BCAS3: variants seen among roughly 807,000 people sequenced by gnomAD.
BCAS3 encodes the protein BCAS3 microtubule associated cell migration factor.
BCAS3 carries 53 observed loss-of-function variants against 116.1 expected under a neutral mutation model. The observed-to-expected ratio is 0.46, with a 90% CI of 0.37 to 0.57. The LOEUF (loss-of-function observed/expected upper bound fraction) is 0.57, where lower values mean the gene tolerates loss of function less well. Ranked by LOEUF, BCAS3 falls within the 20% of genes least tolerant of loss-of-function variation. BCAS3 has a pLI of 0.00. For synonymous variants in BCAS3, 391 were observed against 408.2 expected (o/e 0.96, Z 0.51); for missense variants, 917 against 1,165.4 (o/e 0.79, Z 3.10).
intron 11 of BCAS3, among the ~76,000 whole-genome samples, chr17:60,909,466 A>G (rs1187484040): frequency 6.6e-6 from 1 of 152,160 alleles, no homozygotes; most frequent in East Asian, 1.9e-4. Flanking sequence ...TTAATTTGAA[A>G]TATTTTAATG....
chr17:60,859,252 G>T (rs2053951740), intron 7 of BCAS3, among the ~76,000 whole-genome samples: 1 of 151,906 alleles, frequency 6.6e-6, no homozygotes, highest in Non-Finnish European at 1.5e-5. Context: ...TCAGTAAATT[G>T]TATGTCACTG....
At chr17:61,322,794 CAGAGAG>C (rs35581770) in intron 22 of BCAS3, among the ~76,000 whole-genome samples, 3,934 of 99,180 alleles carry the variant, frequency 0.04, 49 homozygotes, top group Middle Eastern at 0.068. Flanking sequence ...GAGAGAGAGA[CAGAGAG>C]AGAGAGAGAG....
Position 61,034,610 on chromosome 17 carries a change from A to C in BCAS3, c.1638-56A>C. ...TTTAAAGGAAAAACTGTCATTACCT[A>C]AAGGAGTATCATTTCATCATGATAA... On this transcript the variant is annotated intron_variant, in intron 16 of 23. Coordinates refer to ENST00000407086, the MANE Select transcript of BCAS3 (RefSeq NM_017679.5). This position sits in a 1 kb window ranked among gnomAD's most constrained non-coding sequence, Gnocchi z 5.0. 6.7e-7 allele frequency: 1 copy of C among 1,493,328 alleles called. No homozygotes were observed. The highest frequency in any genetic ancestry group is 1.2e-5 in the South Asian group (1 of 82,174). The allele number at this position is 1,493,328 out of a possible 1,614,324, so 92.5% of individuals were successfully genotyped here. A position where few individuals can be genotyped will look rare whatever the true frequency, so the allele number is the denominator to read the frequency against.
chr17:61,070,113 G>C (rs1212624190), intron 19 of BCAS3: 2 of 1,573,718 alleles, frequency 1.3e-6, no homozygotes, highest in African/African-American at 2.7e-5. Flanking sequence ...AGTTTCCGCT[G>C]ACCACTGAGT....
intron 22 of BCAS3, among the ~76,000 whole-genome samples, chr17:61,092,899 C>CTTTTTTTTTTT (rs959718467): frequency 2.5e-5 from 2 of 79,544 alleles, no homozygotes; most frequent in African/African-American, 5.4e-5. Context: ...TTTGTCCAGT[C>CTTTTTTTTTTT]TTTTTTTTTT....
chr17:60,810,706 G>T lies in BCAS3; in HGVS notation c.476+2630G>T, dbSNP rs991699210. On this transcript the variant is annotated intron_variant, in intron 7 of 23. Coordinates refer to ENST00000407086, the MANE Select transcript of BCAS3 (RefSeq NM_017679.5). ...GGCCATGCCCTAGTCTGTGGAGAGGGACATCCATGGGCTCTGCAAGGTCAC... is the reference window on the plus strand; with the variant it reads ...GGCCATGCCCTAGTCTGTGGAGAGGTACATCCATGGGCTCTGCAAGGTCAC... The T allele has an allele frequency of 4.5e-6, 3 of 665,014 alleles. No individual in the cohort carries two copies. The African/African-American group carries it at 5.3e-5, about 12-fold the overall frequency. The allele number at this position is 665,014 out of a possible 1,614,324, so 41.2% of individuals were successfully genotyped here.
intron 6 of BCAS3, among the ~76,000 whole-genome samples, chr17:60,748,040 C>T (rs1404161025): frequency 2.0e-5 from 3 of 151,930 alleles, no homozygotes; most frequent in Admixed American, 1.3e-4. Context: ...ACAGTGAAAA[C>T]ATAATCATAA....
At chr17:61,066,397 G>C (rs1280916903) in intron 19 of BCAS3, among the ~76,000 whole-genome samples, 1 of 152,192 alleles carries the variant, frequency 6.6e-6, no homozygotes, top group Non-Finnish European at 1.5e-5. Flanking sequence ...TACAAGCTGT[G>C]TGTAGTCTTT....
intron 19 of BCAS3, among the ~76,000 whole-genome samples, chr17:61,067,271 G>GTATA (rs1473028118): frequency 2.7e-3 from 150 of 55,080 alleles, no homozygotes; most frequent in African/African-American, 0.011. Flanking sequence ...ATGTGTGTAT[G>GTATA]TGTATATATA....
Position 61,084,460 on chromosome 17 carries a change from A to G in BCAS3, c.2328-7A>G, listed in dbSNP as rs773332436. On this transcript the variant is annotated splice_polypyrimidine_tract_variant and splice_region_variant and intron_variant, in intron 21 of 23. Transcript: ENST00000407086. This position sits in a 1 kb window ranked among gnomAD's most constrained non-coding sequence, Gnocchi z 5.5. The stretch of plus-strand genomic sequence containing the variant: ...ACATATGTGAATTAAATTAAATTGC[A>G]TTGCAGGATCCAGCCAGTCCGCTCT... 1 of 1,598,178 alleles carries G rather than the reference A, an allele frequency of 6.3e-7. No individual in the cohort carries two copies. Among genetic ancestry groups the G allele is most frequent in the South Asian group, 1.1e-5 (1 of 88,526 alleles).
intron 22 of BCAS3, among the ~76,000 whole-genome samples, chr17:61,108,713 G>A (rs1306835789): frequency 8.0e-5 from 12 of 150,194 alleles, no homozygotes; most frequent in African/African-American, 2.7e-4. Flanking sequence ...CCCATCACCC[G>A]AGCAGTGTAC....
At chr17:61,120,791 A>G (rs752394272) in intron 22 of BCAS3, among the ~76,000 whole-genome samples, 1 of 152,140 alleles carries the variant, frequency 6.6e-6, no homozygotes, top group Non-Finnish European at 1.5e-5. Context: ...TCTCCAGTTC[A>G]TGTTAAATTT....
At chr17:60,941,804 A>G (rs1374328824) in intron 13 of BCAS3, among the ~76,000 whole-genome samples, 1 of 152,230 alleles carries the variant, frequency 6.6e-6, no homozygotes, top group Non-Finnish European at 1.5e-5. Context: ...ATTCATATGT[A>G]AAACAATAAT....
chr17:61,129,111 T>C (rs1568414627), intron 22 of BCAS3, among the ~76,000 whole-genome samples: 1 of 152,210 alleles, frequency 6.6e-6, no homozygotes, highest in Non-Finnish European at 1.5e-5. Flanking sequence ...GTGAACTTTA[T>C]GTGTAGCCTA....
chr17:60,948,839 A>C (rs1318572545), intron 14 of BCAS3, among the ~76,000 whole-genome samples: 2 of 152,172 alleles, frequency 1.3e-5, no homozygotes, highest in African/African-American at 4.8e-5. Flanking sequence ...AAGACAATCA[A>C]GTAGTTGATG....
intron 22 of BCAS3, among the ~76,000 whole-genome samples, chr17:61,270,907 A>G (rs2144627431): frequency 6.6e-6 from 1 of 151,506 alleles, no homozygotes; most frequent in East Asian, 2.0e-4. Context: ...TTACAGGCAT[A>G]TGCCACCATG....
intron 22 of BCAS3, among the ~76,000 whole-genome samples, chr17:61,242,374 A>T (rs1049952963): frequency 1.9e-4 from 29 of 152,026 alleles, no homozygotes; most frequent in Non-Finnish European, 3.4e-4. Flanking sequence ...TAGCCCTTTG[A>T]CAAGTCTCAC....
intron 22 of BCAS3, among the ~76,000 whole-genome samples, chr17:61,240,887 GT>G (rs2047453748): frequency 6.6e-6 from 1 of 152,114 alleles, no homozygotes; most frequent in Non-Finnish European, 1.5e-5. Flanking sequence ...TTTTTAAAAG[GT>G]ACCAAGGGCT....
chr17:61,287,660 C>T (rs117245471), intron 22 of BCAS3, among the ~76,000 whole-genome samples: 60 of 151,802 alleles, frequency 4.0e-4, no homozygotes, highest in Non-Finnish European at 6.9e-4. Flanking sequence ...CAGGAGGTGG[C>T]GGCTACAGTG....
Sources: allele counts gnomAD v4.1 joint callset (sites outside exome capture counted in the v4.1 genomes callset), GRCh38; gene constraint gnomAD v4.1.1; non-coding constraint Gnocchi (gnomAD v3.1); transcripts MANE v1.5; gene names NCBI Gene and HGNC (gene_info 2026-07-23, HGNC 2026-07-21).